PRDM10: variants seen among roughly 807,000 people sequenced by gnomAD.
PRDM10 encodes the protein PR/SET domain 10, also known as PR domain zinc finger protein 10.
In PRDM10, 65 loss-of-function variants were observed where a neutral mutation model predicts 133.1. The observed-to-expected ratio is 0.49, with a 90% confidence interval of 0.40 to 0.60. PRDM10 has a LOEUF of 0.60. Among genes scored for constraint, PRDM10 ranks in the 20% least tolerant of loss-of-function variants. The pLI, the probability that PRDM10 is intolerant of heterozygous loss-of-function variation, is 0.00. For synonymous variants in PRDM10, 582 were observed against 580.4 expected, an observed-to-expected ratio of 1.00 and a Z score of -0.04; for missense variants, 1,137 against 1,507.1, an observed-to-expected ratio of 0.75 and a Z score of 4.07.
intron 17 of PRDM10, chr11:129,914,488 C>G: frequency 1.5e-6 from 1 of 675,584 alleles, no homozygotes; most frequent in Non-Finnish European, 2.6e-6. Context: ...TATGCTGGAA[C>G]CTAAAATTTC....
At chr11:129,946,198 C>T (rs1228144805) in intron 5 of PRDM10, among the ~76,000 whole-genome samples, 1 of 151,764 alleles carries the variant, frequency 6.6e-6, no homozygotes, top group Non-Finnish European at 1.5e-5. Flanking sequence ...TGCAGTGAAC[C>T]GAGCTTGAAC....
intron 17 of PRDM10, among the ~76,000 whole-genome samples, chr11:129,913,219 CAAAAA>C (rs750114740): frequency 1.3e-5 from 1 of 78,874 alleles, no homozygotes; most frequent in Non-Finnish European, 2.4e-5. Flanking sequence ...ACCCTGTCTC[CAAAAA>C]AAAAAAAAAA....
Position 129,909,025 on chromosome 11 carries a change from T to C in PRDM10, c.3163+1451A>G, listed in dbSNP as rs570615429. Among the ~76,000 whole-genome samples the C allele has an allele frequency of 4.6e-5, 7 of 151,776 alleles. No individual in the cohort carries two copies. In the East Asian group the frequency reaches 1.4e-3, roughly 30 times the overall value. On this transcript the variant is annotated intron_variant, in intron 19 of 20. Transcript: ENST00000360871. ...GATTGCAGGCATGAGCCACCACGCC[T>C]GGCCCGCTCCACTCTCTTTCACAGG...
At chr11:129,978,606 C>T (rs1357903611) in intron 1 of PRDM10, among the ~76,000 whole-genome samples, 2 of 152,202 alleles carry the variant, frequency 1.3e-5, no homozygotes, top group African/African-American at 2.4e-5. Flanking sequence ...AGGTCTGAGA[C>T]GGTGACCTCC....
At chr11:129,997,879 A>G (rs1476761469) in intron 1 of PRDM10, among the ~76,000 whole-genome samples, 1 of 152,208 alleles carries the variant, frequency 6.6e-6, no homozygotes, top group African/African-American at 2.4e-5. Context: ...TGTGAGAGCT[A>G]TCATAAGCAC....
At chr11:129,922,713 T>C (rs1389968175) in intron 13 of PRDM10, among the ~76,000 whole-genome samples, 3 of 152,234 alleles carry the variant, frequency 2.0e-5, no homozygotes, top group Non-Finnish European at 2.9e-5. Context: ...CTGGGTCCCC[T>C]GCAGGGTTTT....
chr11:129,944,323 G>T (rs924249970), intron 6 of PRDM10, among the ~76,000 whole-genome samples: 1 of 152,118 alleles, frequency 6.6e-6, no homozygotes, highest in South Asian at 2.1e-4. Context: ...GGCCGGGCGC[G>T]GTGGCTCACG....
chr11:129,938,954 G>C (rs996180652), intron 7 of PRDM10, among the ~76,000 whole-genome samples: 6 of 152,152 alleles, frequency 3.9e-5, no homozygotes, highest in Non-Finnish European at 5.9e-5. Context: ...CAGCCCTGCT[G>C]TTTCACCCCC....
intron 1 of PRDM10, among the ~76,000 whole-genome samples, chr11:130,001,137 C>T (rs977786276): frequency 6.6e-6 from 1 of 152,082 alleles, no homozygotes; most frequent in East Asian, 1.9e-4. Flanking sequence ...TTTCTAAATA[C>T]CCCATATTGA....
At chr11:129,992,798 A>G (rs1404251892) in intron 1 of PRDM10, among the ~76,000 whole-genome samples, 3 of 152,246 alleles carry the variant, frequency 2.0e-5, no homozygotes, top group Non-Finnish European at 4.4e-5. Flanking sequence ...GAACTGAAGA[A>G]GACATTGGAT....
At chr11:129,965,903 G>A (rs1431601296) in intron 1 of PRDM10, among the ~76,000 whole-genome samples, 2 of 151,990 alleles carry the variant, frequency 1.3e-5, no homozygotes, top group African/African-American at 2.4e-5. Flanking sequence ...ACTTAGTTGG[G>A]GCGTTAGTAA....
chr11:129,970,181 G>T (rs747350321), intron 1 of PRDM10, among the ~76,000 whole-genome samples: 12 of 152,296 alleles, frequency 7.9e-5, no homozygotes, highest in Non-Finnish European at 1.6e-4. Flanking sequence ...TATGAACCAG[G>T]CATGTTCCCT....
chr11:129,935,258 A>G, intron 8 of PRDM10, 40 bp from the exon 9 acceptor site: 1 of 1,474,590 alleles, frequency 6.8e-7, no homozygotes, highest in Non-Finnish European at 9.5e-7. Flanking sequence ...CTGATGACCA[A>G]TAGACACCAG....
intron 1 of PRDM10, among the ~76,000 whole-genome samples, chr11:129,973,556 A>G (rs1355334159): frequency 6.6e-6 from 1 of 152,246 alleles, no homozygotes; most frequent in Admixed American, 6.5e-5. Context: ...ATAGAAAAGC[A>G]TATTTACTCA....
Position 129,915,000 on chromosome 11 carries a change from T to C in PRDM10, c.2545A>G (p.Ile849Val), listed in dbSNP as rs1402933451. The C allele has an allele frequency of 3.1e-6, 5 of 1,598,024 alleles. No homozygotes were observed. Among genetic ancestry groups the C allele is most frequent in the Non-Finnish European group, 4.3e-6 (5 of 1,166,632 alleles). ...GCGAACTCTGGATGCTTCTTTCGAATGTGCTGGACCATCTTGGTCTGAAAA... is the reference window on the plus strand; with the variant it reads ...GCGAACTCTGGATGCTTCTTTCGAACGTGCTGGACCATCTTGGTCTGAAAA... ...YSSKTKMVQH[I>V]RKKHPEFAQL... Residue 849 changes from isoleucine (I) to valine (V), a missense_variant, in exon 17 of 21, where the codon ATT becomes GTT. This residue lies in a region of PRDM10 where 113 missense variants were observed against 143.7 expected (regional missense o/e 0.79). Transcript: ENST00000360871.
At chr11:129,955,806 C>T (rs1302563448) in intron 3 of PRDM10, among the ~76,000 whole-genome samples, 32 of 152,220 alleles carry the variant, frequency 2.1e-4, no homozygotes, top group Admixed American at 2.1e-3. Context: ...GGCTAACATA[C>T]TTCGCAATTT....
chr11:129,953,826 CAAAAA>C (rs10542747), intron 4 of PRDM10, among the ~76,000 whole-genome samples: 2 of 73,350 alleles, frequency 2.7e-5, no homozygotes, highest in African/African-American at 7.1e-5. Flanking sequence ...TTTATAGTAG[CAAAAA>C]AAAAAAAAAA....
At chr11:129,937,760 A>G (rs1234802368) in intron 7 of PRDM10, 90 bp from the exon 8 acceptor site, 1 of 1,207,720 alleles carries the variant, frequency 8.3e-7, no homozygotes, top group African/African-American at 1.5e-5. Flanking sequence ...ACAGGAAACA[A>G]TTCAGGCTTT....
At chr11:129,931,379 C>T in intron 10 of PRDM10, 121 bp from the exon 11 acceptor site, 4 of 1,344,634 alleles carry the variant, frequency 3.0e-6, no homozygotes, top group Non-Finnish European at 4.0e-6. Flanking sequence ...TATTCTCCCT[C>T]TGGGAAAGTT....
Sources: allele counts gnomAD v4.1 joint callset (sites outside exome capture counted in the v4.1 genomes callset), GRCh38; gene constraint gnomAD v4.1.1; regional missense constraint gnomAD v4.1.1; transcripts MANE v1.5; gene names NCBI Gene and HGNC (gene_info 2026-07-23, HGNC 2026-07-21).